TNPO1: variants seen among roughly 807,000 people sequenced by gnomAD.
TNPO1 encodes the protein transportin 1.
In TNPO1, 8 loss-of-function variants were observed where a neutral mutation model predicts 119.5. That is an observed-to-expected ratio of 0.07 (90% CI 0.04 to 0.12). The LOEUF (loss-of-function observed/expected upper bound fraction) is 0.12, where lower values mean the gene tolerates loss of function less well. Among genes scored for constraint, TNPO1 ranks in the 10% least tolerant of loss-of-function variants. TNPO1 has a pLI of 1.00. For synonymous variants in TNPO1, 362 were observed against 363.0 expected (o/e 1.00, Z 0.03); for missense variants, 576 against 1,089.8 (o/e 0.53, Z 6.64).
chr5:72,827,885 A>G (rs1744274815), intron 1 of TNPO1, among the ~76,000 whole-genome samples: 1 of 148,952 alleles, frequency 6.7e-6, no homozygotes. Flanking sequence ...ATGCCACTGC[A>G]CTCCAGGCTG....
chr5:72,845,558 T>C (rs1745093656), intron 1 of TNPO1, among the ~76,000 whole-genome samples: 1 of 152,180 alleles, frequency 6.6e-6, no homozygotes, highest in Non-Finnish European at 1.5e-5. Flanking sequence ...TAAAAAGATG[T>C]GATAGAAAAG....
At position 72,823,592 on chromosome 5, in the gene TNPO1, C is replaced by T. The variant is rs529816281; in HGVS notation, c.15+6840C>T. Among the ~76,000 whole-genome samples the T allele has an allele frequency of 1.1e-3, 165 of 152,172 alleles. 1 individual carries two copies. Among genetic ancestry groups the T allele is most frequent in the Non-Finnish European group, 2.1e-3 (142 of 68,034 alleles). On this transcript the variant is annotated intron_variant, in intron 1 of 24. Transcript: ENST00000337273. ...CCAACCCATTGATCCTATTACTGCTCCCCTGCCCCTTACCCTCTTGATGTT... is the reference window on the plus strand; with the variant it reads ...CCAACCCATTGATCCTATTACTGCTTCCCTGCCCCTTACCCTCTTGATGTT...
At chr5:72,816,855 C>T (rs918740398) in intron 1 of TNPO1, 103 bp downstream of exon 1, 33 of 1,397,450 alleles carry the variant, frequency 2.4e-5, no homozygotes, top group Non-Finnish European at 2.9e-5. Flanking sequence ...CCGGGCTCGC[C>T]CGCTCTCTCG....
intron 23 of TNPO1, among the ~76,000 whole-genome samples, chr5:72,904,152 G>T (rs1243933169): frequency 6.6e-6 from 1 of 152,106 alleles, no homozygotes; most frequent in African/African-American, 2.4e-5. Flanking sequence ...GTCATTATTT[G>T]CTTTGTTAAT....
At chr5:72,862,889 C>A (rs1278723609) in intron 5 of TNPO1, among the ~76,000 whole-genome samples, 1 of 152,074 alleles carries the variant, frequency 6.6e-6, no homozygotes, top group Non-Finnish European at 1.5e-5. Flanking sequence ...CTCAAATGAT[C>A]CACCTGTCTC....
At chr5:72,892,913 T>C (rs1339592816) in intron 15 of TNPO1, among the ~76,000 whole-genome samples, 1 of 145,332 alleles carries the variant, frequency 6.9e-6, no homozygotes, top group Non-Finnish European at 1.5e-5. Flanking sequence ...ATGTTTCTTG[T>C]AGAAACGCTT....
At chr5:72,858,761 C>T (rs978147930) in intron 4 of TNPO1, among the ~76,000 whole-genome samples, 1 of 151,072 alleles carries the variant, frequency 6.6e-6, no homozygotes, top group Non-Finnish European at 1.5e-5. Context: ...GGCATGAACC[C>T]GGGAGGCGGA....
At chr5:72,848,254 C>A (rs1234529430) in intron 1 of TNPO1, 131 bp from the exon 2 acceptor site, 2 of 1,305,374 alleles carry the variant, frequency 1.5e-6, no homozygotes. Flanking sequence ...TCAGGCAGGT[C>A]CGCGGCGTTT....
chr5:72,822,323 C>T (rs1471626483), intron 1 of TNPO1, among the ~76,000 whole-genome samples: 2 of 147,748 alleles, frequency 1.4e-5, no homozygotes, highest in Admixed American at 6.7e-5. Context: ...AAAGCAGTGA[C>T]TTTTTTTTTT....
intron 6 of TNPO1, chr5:72,871,661 G>C (rs1747414078): frequency 6.6e-6 from 1 of 152,236 alleles, no homozygotes; most frequent in African/African-American, 2.4e-5. Context: ...GTAAGGAAGT[G>C]AGTCTATGAA....
At chr5:72,834,783 G>A (rs1235439917) in intron 1 of TNPO1, among the ~76,000 whole-genome samples, 2 of 152,214 alleles carry the variant, frequency 1.3e-5, no homozygotes, top group Non-Finnish European at 2.9e-5. Flanking sequence ...CTTACTCTCT[G>A]ACTCACCCAG....
Position 72,848,365 on chromosome 5 carries a change from G to C in TNPO1, c.16-20G>C. The C allele has an allele frequency of 6.2e-7, 1 of 1,607,572 alleles. No individual in the cohort carries two copies. Among genetic ancestry groups the C allele is most frequent in the Non-Finnish European group, 8.5e-7 (1 of 1,176,196 alleles). ...AGTAACAGTTGCTCCGTCTCTTCCT[G>C]TGTCTGGCTTTATTTGCAGCAAACC... On this transcript the variant is annotated intron_variant, in intron 1 of 24. Transcript: ENST00000337273.
At chr5:72,823,040 A>C (rs1466842804) in intron 1 of TNPO1, among the ~76,000 whole-genome samples, 1 of 148,876 alleles carries the variant, frequency 6.7e-6, no homozygotes, top group African/African-American at 2.5e-5. Flanking sequence ...GAAATTAACT[A>C]TCCATCATCT....
At position 72,888,152 on chromosome 5, in the gene TNPO1, G is replaced by A. The variant is rs370419143; in HGVS notation, c.1378G>A (p.Ala460Thr). Residue 460 changes from alanine to threonine, a missense_variant, in exon 13 of 25, where the codon GCT becomes ACT. Ala to Thr is a moderately conservative substitution (Grantham distance 58). Around this residue, in one of 6 missense-constraint regions of TNPO1, gnomAD observed 310 missense variants for 583.0 expected, o/e 0.53. Transcript: ENST00000337273. ...HLIQCLSDKK[A>T]LVRSITCWTL... Reference sequence around the variant, plus strand: ...TATTCAGTGCCTCTCTGATAAAAAGGCTCTTGTGCGTTCCATAACATGCTG... The same window carrying A: ...TATTCAGTGCCTCTCTGATAAAAAGACTCTTGTGCGTTCCATAACATGCTG... 1 of 1,613,966 alleles carries A rather than the reference G, an allele frequency of 6.2e-7. No homozygotes were observed. Among genetic ancestry groups the A allele is most frequent in the Admixed American group, 1.7e-5 (1 of 59,994 alleles).
At position 72,900,958 on chromosome 5, in the gene TNPO1, T is replaced by C. The variant is rs1749761206; in HGVS notation, c.2415-16T>C. ...CTTGTTACTTAAATGCTAAACTCAATTCTGTAATTCAATAGGTGCACCTCT... is the reference window on the plus strand; with the variant it reads ...CTTGTTACTTAAATGCTAAACTCAACTCTGTAATTCAATAGGTGCACCTCT... On this transcript the variant is annotated splice_polypyrimidine_tract_variant and intron_variant, in intron 21 of 24. Transcript: ENST00000337273. The C allele has an allele frequency of 1.3e-6, 2 of 1,581,244 alleles. No individual in the cohort carries two copies. Among genetic ancestry groups the C allele is most frequent in the South Asian group, 2.3e-5 (2 of 87,822 alleles).
intron 9 of TNPO1, among the ~76,000 whole-genome samples, chr5:72,881,342 C>G (rs1398427117): frequency 3.9e-5 from 6 of 152,152 alleles, no homozygotes; most frequent in Non-Finnish European, 5.9e-5. Flanking sequence ...AACTCCTGAC[C>G]TCGTGATCCG....
intron 6 of TNPO1, among the ~76,000 whole-genome samples, chr5:72,870,024 G>A (rs1747257320): frequency 6.6e-6 from 1 of 152,060 alleles, no homozygotes; most frequent in African/African-American, 2.4e-5. Context: ...TAGGACAGTA[G>A]GAATGCCTTT....
rs907775157 is a variant in TNPO1, at chr5:72,910,261, T to G, written c.*1588T>G. The G allele has an allele frequency of 2.0e-5, 3 of 152,642 alleles. No individual in the cohort carries two copies. The highest frequency in any genetic ancestry group is 7.2e-5 in the African/African-American group (3 of 41,468). The allele number at this position is 152,642 out of a possible 1,614,324, so 9.5% of individuals were successfully genotyped here. ...TTGGATCCTCTTCATTTCATTTGTT[T>G]AGCTTTTCTGTTATTTTTCTCTACT... On this transcript the variant is annotated 3_prime_UTR_variant, in exon 25 of 25. Transcript: ENST00000337273.
intron 1 of TNPO1, among the ~76,000 whole-genome samples, chr5:72,845,885 G>A (rs577021100): frequency 6.6e-6 from 1 of 152,212 alleles, no homozygotes. Flanking sequence ...GGGCAGCTAG[G>A]GGGTTGAGTG....
Sources: gnomAD v4.1 joint callset for allele counts (sites outside exome capture counted in the v4.1 genomes callset) on GRCh38, gnomAD v4.1.1 for gene constraint, gnomAD v4.1.1 regional missense constraint, MANE v1.5 for transcripts, NCBI Gene and HGNC (gene_info 2026-07-23, HGNC 2026-07-21) for gene names.